The following USP12 variants were observed in gnomAD, a reference collection of about 807,000 sequenced individuals.
The protein encoded by USP12 is ubiquitin carboxyl-terminal hydrolase 12.
In USP12, 19 loss-of-function variants were observed where a neutral mutation model predicts 45.5. That is an observed-to-expected ratio of 0.42 (90% CI 0.29 to 0.61). The LOEUF (loss-of-function observed/expected upper bound fraction) is 0.61. Among genes scored for constraint, USP12 ranks in the 20% least tolerant of loss-of-function variants. USP12 has a pLI of 0.22. For synonymous variants in USP12, 149 were observed against 148.8 expected (o/e 1.00, Z -0.01); for missense variants, 242 against 447.7 (o/e 0.54, Z 4.15).
At chr13:27,104,992 C>T (rs535316676) in intron 3 of USP12, among the ~76,000 whole-genome samples, 50 of 152,264 alleles carry the variant, frequency 3.3e-4, no homozygotes, top group African/African-American at 9.6e-4. Flanking sequence ...TTAGATAGAA[C>T]ACTGGGCTTA....
chr13:27,160,001 G>C (rs541472231), intron 1 of USP12, among the ~76,000 whole-genome samples: 65 of 152,338 alleles, frequency 4.3e-4, no homozygotes, highest in African/African-American at 1.5e-3. Context: ...AAACCTGAAA[G>C]AGCGGAATTG....
intron 1 of USP12, among the ~76,000 whole-genome samples, chr13:27,125,884 G>A (rs901158558): frequency 6.6e-6 from 1 of 152,218 alleles, no homozygotes; most frequent in African/African-American, 2.4e-5. Flanking sequence ...GACCTGGGAC[G>A]CTGGAGCTTG....
chr13:27,073,115 T>A (rs1326041108), intron 7 of USP12, among the ~76,000 whole-genome samples: 1 of 151,354 alleles, frequency 6.6e-6, no homozygotes, highest in Non-Finnish European at 1.5e-5. Context: ...ACATGGAGAC[T>A]GAGGCTGGGC....
At chr13:27,075,442 T>C in intron 6 of USP12, 54 bp from the exon 7 acceptor site, 4 of 1,476,516 alleles carry the variant, frequency 2.7e-6, no homozygotes, top group Non-Finnish European at 3.7e-6. Flanking sequence ...CACCATGTCC[T>C]TGAATTATCA....
intron 1 of USP12, among the ~76,000 whole-genome samples, chr13:27,123,226 C>T (rs535479723): frequency 3.1e-4 from 47 of 152,262 alleles, no homozygotes; most frequent in Non-Finnish European, 5.1e-4. Context: ...CTGGTCTTGG[C>T]CATGACATTA....
At chr13:27,089,247 T>C (rs1874205117) in intron 6 of USP12, among the ~76,000 whole-genome samples, 1 of 152,230 alleles carries the variant, frequency 6.6e-6, no homozygotes, top group African/African-American at 2.4e-5. Flanking sequence ...TGTTACTTTC[T>C]GGATTTGGAT....
intron 1 of USP12, chr13:27,169,275 G>A (rs1006956370): frequency 1.3e-5 from 2 of 152,188 alleles, no homozygotes; most frequent in Admixed American, 1.3e-4. Flanking sequence ...GATTATTCAA[G>A]TAAGGCTCCC....
At chr13:27,086,193 A>ATGT (rs1333218859) in intron 6 of USP12, among the ~76,000 whole-genome samples, 1 of 66,944 alleles carries the variant, frequency 1.5e-5, no homozygotes, top group African/African-American at 5.4e-5. Context: ...AAAAAAAAAA[A>ATGT]AAAAATATAT....
chr13:27,103,278 T>A (rs769433000), intron 3 of USP12, among the ~76,000 whole-genome samples: 1 of 152,196 alleles, frequency 6.6e-6, no homozygotes, highest in Non-Finnish European at 1.5e-5. Flanking sequence ...ATGCAATGAA[T>A]AATATATTAA....
chr13:27,156,785 GCACTCCAGCCTGGGC>G (rs1447169560), intron 1 of USP12, among the ~76,000 whole-genome samples: 1 of 152,064 alleles, frequency 6.6e-6, no homozygotes, highest in African/African-American at 2.4e-5. Flanking sequence ...TCACACCACT[GCACTCCAGCCTGGGC>G]GACAGAGCAA....
intron 3 of USP12, among the ~76,000 whole-genome samples, chr13:27,100,140 AC>A (rs749261855): frequency 7.9e-5 from 12 of 152,278 alleles, no homozygotes; most frequent in African/African-American, 2.9e-4. Context: ...GCGTGGTTCC[AC>A]CAATTGGAAA....
At chr13:27,125,538 C>T (rs1273680845) in intron 1 of USP12, among the ~76,000 whole-genome samples, 1 of 152,148 alleles carries the variant, frequency 6.6e-6, no homozygotes, top group Admixed American at 6.6e-5. Flanking sequence ...CCTGCGAGAT[C>T]GATGCAGAAG....
chr13:27,084,431 G>A (rs898119243), intron 6 of USP12, among the ~76,000 whole-genome samples: 8 of 150,154 alleles, frequency 5.3e-5, no homozygotes, highest in Non-Finnish European at 7.4e-5. Context: ...GCTTGAACCC[G>A]GGAGCTGGAG....
chr13:27,073,579 T>C (rs186511816), intron 7 of USP12, among the ~76,000 whole-genome samples: 13 of 152,328 alleles, frequency 8.5e-5, no homozygotes, highest in African/African-American at 2.9e-4. Context: ...CAGCTCAGTA[T>C]ATTGTGAGTA....
intron 6 of USP12, among the ~76,000 whole-genome samples, chr13:27,084,169 T>TACATACATACACAC (rs1295472031): frequency 7.0e-6 from 1 of 142,412 alleles, no homozygotes; most frequent in African/African-American, 2.7e-5. Flanking sequence ...CATGTTTGCA[T>TACATACATACACAC]ACACACACAC....
chr13:27,167,500 C>T (rs746954333), intron 1 of USP12, among the ~76,000 whole-genome samples: 3 of 151,918 alleles, frequency 2.0e-5, no homozygotes, highest in Non-Finnish European at 4.4e-5. Context: ...TTTGACCAAA[C>T]ATTTATGTAA....
chr13:27,136,832 G>T (rs1487595336), intron 1 of USP12, among the ~76,000 whole-genome samples: 1 of 152,156 alleles, frequency 6.6e-6, no homozygotes, highest in Non-Finnish European at 1.5e-5. Context: ...GTAATAAAAT[G>T]ATATTTGGGA....
At chr13:27,163,768 TAAAAAA>T (rs34384911) in intron 1 of USP12, among the ~76,000 whole-genome samples, 2 of 83,298 alleles carry the variant, frequency 2.4e-5, no homozygotes, top group African/African-American at 8.8e-5. Flanking sequence ...AGACCTGTCT[TAAAAAA>T]AAAAAAAAAA....
Position 27,095,715 on chromosome 13 carries a change from T to G in USP12, c.459A>C (p.Leu153Phe). Residue 153 changes from leucine to phenylalanine, a missense_variant, in exon 4 of 9, where the codon TTA becomes TTC. By Grantham distance (22) the Leu-to-Phe change is conservative. Coordinates refer to ENST00000282344, the MANE Select transcript of USP12 (RefSeq NM_182488.4). ...ERKQEKQNGR[L>F]PNGNIDNENN... ...TTTCATTATCAATATTACCATTAGG[T>G]AAACGACCATTTTGTTTTTCCTGCT... 6.2e-7 allele frequency: 1 copy of G among 1,613,374 alleles called. No homozygotes were observed. The highest frequency in any genetic ancestry group is 8.5e-7 in the Non-Finnish European group (1 of 1,179,578).
Sources: allele counts gnomAD v4.1 joint callset (sites outside exome capture counted in the v4.1 genomes callset), GRCh38; gene constraint gnomAD v4.1.1; transcripts MANE v1.5; gene names NCBI Gene and HGNC (gene_info 2026-07-23, HGNC 2026-07-21).